Variants in MSANTD7 observed in about 807,000 individuals in gnomAD.
The protein encoded by MSANTD7 is zinc finger and SCAN domain containing 29.
At chr10:14,843,120 A>G in the MSANTD7 span, among the ~76,000 whole-genome samples, 1 of 152,206 alleles carries the variant, frequency 6.6e-6, no homozygotes, top group African/African-American at 2.4e-5. Flanking sequence ...GTAGTCAGGA[A>G]ATTGTAGGTC....
At chr10:14,845,587 C>A in the MSANTD7 span, 4 of 928,496 alleles carry the variant, frequency 4.3e-6, no homozygotes, top group African/African-American at 3.6e-5. Flanking sequence ...TTGCCCTTTT[C>A]TATTATTATT....
At chr10:14,843,876 T>G in the MSANTD7 span, 1 of 1,536,366 alleles carries the variant, frequency 6.5e-7, no homozygotes, top group South Asian at 1.2e-5. Flanking sequence ...AGAGGTTGAT[T>G]TCGAATACCA....
the MSANTD7 span, chr10:14,842,875 G>A: frequency 7.0e-7 from 1 of 1,422,266 alleles, no homozygotes; most frequent in East Asian, 2.5e-5. This position sits in a 1 kb window ranked among gnomAD's most constrained non-coding sequence, Gnocchi z 5.2. Flanking sequence ...AAGGAGTTGG[G>A]TCCCAGAGTC....
the MSANTD7 span, chr10:14,844,924 C>T: frequency 1.0e-6 from 1 of 985,364 alleles, no homozygotes; most frequent in African/African-American, 1.7e-5. Context: ...AGAAACGTTT[C>T]CTTTTGAGGA....
chr10:14,844,044 C>T, the MSANTD7 span: 1 of 1,439,366 alleles, frequency 6.9e-7, no homozygotes, highest in Non-Finnish European at 9.0e-7. Flanking sequence ...ATTGCTAGTT[C>T]ATTTTCCCAA....
At chr10:14,840,176 C>T in the MSANTD7 span, 1 of 1,182,928 alleles carries the variant, frequency 8.5e-7, no homozygotes, top group African/African-American at 1.5e-5. Flanking sequence ...TCAAATGATA[C>T]TTTTAAATAT....
chr10:14,846,723 G>A, the MSANTD7 span: 2 of 984,824 alleles, frequency 2.0e-6, no homozygotes, highest in Non-Finnish European at 2.4e-6. Context: ...TTTCAGACAT[G>A]TAAGGCACTG....
At chr10:14,839,008 G>A in the MSANTD7 span, among the ~76,000 whole-genome samples, 1 of 152,196 alleles carries the variant, frequency 6.6e-6, no homozygotes, top group African/African-American at 2.4e-5. Flanking sequence ...GGGCCCGAAC[G>A]TCTAGGTCCC....
the MSANTD7 span, chr10:14,843,885 C>T: frequency 2.0e-6 from 3 of 1,536,304 alleles, no homozygotes; most frequent in Non-Finnish European, 2.6e-6. Flanking sequence ...TTTCGAATAC[C>T]AAAAGCTAGG....
the MSANTD7 span, chr10:14,842,917 T>C: frequency 9.1e-7 from 1 of 1,099,164 alleles, no homozygotes; most frequent in Admixed American, 2.6e-5. This position sits in a 1 kb window ranked among gnomAD's most constrained non-coding sequence, Gnocchi z 5.2. Flanking sequence ...TGTGTCTGTT[T>C]GGATAGTGTC....
chr10:14,843,290 T>C, the MSANTD7 span: 60 of 1,508,138 alleles, frequency 4.0e-5, no homozygotes, highest in Admixed American at 9.9e-5. Flanking sequence ...AGTTTTATAA[T>C]TTGTCTCAGC....
the MSANTD7 span, chr10:14,838,450 C>T: frequency 1.2e-6 from 2 of 1,605,292 alleles, no homozygotes; most frequent in Non-Finnish European, 8.5e-7. Flanking sequence ...CCTGTGTGGC[C>T]GTCTATAAGG....
At chr10:14,845,924 A>T in the MSANTD7 span, 2 of 691,378 alleles carry the variant, frequency 2.9e-6, no homozygotes, top group Middle Eastern at 7.6e-4. Context: ...TTTTTTTCCT[A>T]GTACCTTCCA....
chr10:14,842,607 C>T, the MSANTD7 span: 2 of 1,536,138 alleles, frequency 1.3e-6, no homozygotes, highest in South Asian at 1.2e-5. The surrounding 1 kb of genome is among the most constrained non-coding windows in gnomAD (Gnocchi z 5.2). Flanking sequence ...GTGACTGACC[C>T]AGACAACTTA....
At chr10:14,840,338 C>T in the MSANTD7 span, among the ~76,000 whole-genome samples, 2 of 152,258 alleles carry the variant, frequency 1.3e-5, no homozygotes, top group East Asian at 3.9e-4. Context: ...TGGATCTTCT[C>T]TGATATGGGA....
the MSANTD7 span, chr10:14,844,796 G>A: frequency 1.0e-6 from 1 of 985,072 alleles, no homozygotes; most frequent in Non-Finnish European, 1.2e-6. Flanking sequence ...TTAAGTTTCG[G>A]TTGCCATTGG....
At chr10:14,841,954 TG>T in the MSANTD7 span, among the ~76,000 whole-genome samples, 1 of 152,268 alleles carries the variant, frequency 6.6e-6, no homozygotes, top group African/African-American at 2.4e-5. Context: ...TTGGCCTTTT[TG>T]TTACCAAGCC....
chr10:14,845,196 C>T, the MSANTD7 span: 15 of 985,398 alleles, frequency 1.5e-5, no homozygotes, highest in South Asian at 4.7e-5. Flanking sequence ...GAAGACATTA[C>T]TCTCTGTCAT....
At chr10:14,843,637 G>A in the MSANTD7 span, 3 of 1,550,250 alleles carry the variant, frequency 1.9e-6, no homozygotes, top group Middle Eastern at 1.7e-4. Flanking sequence ...GCGGTCAGTG[G>A]CCAGGACTAT....
Sources: allele counts gnomAD v4.1 joint callset (sites outside exome capture counted in the v4.1 genomes callset), GRCh38; gene constraint gnomAD v4.1.1; non-coding constraint Gnocchi (gnomAD v3.1); transcripts MANE v1.5; gene names NCBI Gene and HGNC (gene_info 2026-07-23, HGNC 2026-07-21).